Variants in NEB observed in about 807,000 individuals in gnomAD.
The protein encoded by NEB is nemaline myopathy type 2.
In NEB, 512 loss-of-function variants were observed where a neutral mutation model predicts 952.2. That is an observed-to-expected ratio of 0.54 (90% CI 0.50 to 0.58). The LOEUF (loss-of-function observed/expected upper bound fraction) is 0.58, where lower values mean the gene tolerates loss of function less well. NEB is among the 20% of genes least tolerant of loss of function. The pLI is 0.00. For synonymous variants in NEB, 2,900 were observed against 3,149.8 expected, an observed-to-expected ratio of 0.92 and a Z score of 2.66; for missense variants, 8,428 against 9,231.1, an observed-to-expected ratio of 0.91 and a Z score of 3.56.
chr2:151,531,308 C>CTT lies in NEB; in HGVS notation c.21523-209_21523-208dup, dbSNP rs1159075000. On this transcript the variant is annotated intron_variant, in intron 144 of 181. Coordinates refer to ENST00000397345, the MANE Select transcript of NEB (RefSeq NM_001164508.2). ...TCACAACAACTCTCTTTTTTTCTTT[C>CTT]TTTTTTTTTTTTTTTTTTTTTTTTT... 8.2e-4 allele frequency among the ~76,000 whole-genome samples: 69 copies of CTT among 84,028 alleles called. 3 individuals carry two copies. The highest frequency in any genetic ancestry group is 1.7e-3 in the African/African-American group (38 of 22,252). 55.1% of individuals were successfully genotyped at this position (84,028 alleles called of 152,430 possible).
At chr2:151,489,900 A>T in intron 181 of NEB, 71 bp downstream of exon 181, 1 of 1,213,246 alleles carries the variant, frequency 8.2e-7, no homozygotes, top group East Asian at 2.3e-5. Flanking sequence ...GTAATACCTA[A>T]TACTTATAAT....
At chr2:151,664,068 A>C (rs1248436917) in intron 44 of NEB, among the ~76,000 whole-genome samples, 1 of 151,940 alleles carries the variant, frequency 6.6e-6, no homozygotes, top group Non-Finnish European at 1.5e-5. Context: ...AAATAATCTC[A>C]GAGTTAATCG....
chr2:151,528,701 C>T (rs1234385578), intron 146 of NEB, among the ~76,000 whole-genome samples: 3 of 152,134 alleles, frequency 2.0e-5, no homozygotes, highest in African/African-American at 4.8e-5. Flanking sequence ...CATCTAAATG[C>T]ACAAAATTAT....
intron 169 of NEB, among the ~76,000 whole-genome samples, chr2:151,498,915 C>A (rs2062314569): frequency 6.6e-6 from 1 of 150,386 alleles, no homozygotes; most frequent in South Asian, 2.1e-4. Flanking sequence ...TTCAAAATAT[C>A]TGTACAAATA....
Position 151,619,467 on chromosome 2 carries a change from T to C in NEB, c.10856A>G (p.Tyr3619Cys), listed in dbSNP as rs1049205301. 4 of 1,607,124 alleles carry C rather than the reference T, an allele frequency of 2.5e-6. No individual in the cohort carries two copies. The highest frequency in any genetic ancestry group is 1.3e-5 in the African/African-American group (1 of 74,796). The change falls in exon 73 of 182, where the codon TAT becomes TGT. Residue 3619 changes from tyrosine to cysteine, a missense_variant. Coordinates refer to ENST00000397345, the MANE Select transcript of NEB (RefSeq NM_001164508.2). ...QNDIIHARKA[Y>C]DLQSDNLYKS... Reference sequence around the variant, plus strand: ...GAAACTTACGTCACTCTGGAGGTCATAGGCTTTCCGTGCATGAATGATGTC... The same window carrying C: ...GAAACTTACGTCACTCTGGAGGTCACAGGCTTTCCGTGCATGAATGATGTC...
chr2:151,497,027 A>G lies in NEB; in HGVS notation c.24307T>C (p.Tyr8103His). The G allele has an allele frequency of 1.3e-6, 2 of 1,568,970 alleles. No individual in the cohort carries two copies. Among genetic ancestry groups the G allele is most frequent in the Non-Finnish European group, 1.7e-6 (2 of 1,154,928 alleles). The change falls in exon 172 of 182, where the codon TAC becomes CAC. Residue 8103 changes from tyrosine to histidine, a missense_variant. This residue lies in a region of NEB where 3,374 missense variants were observed against 3,651.5 expected (regional missense o/e 0.92). Transcript: ENST00000397345. Reference protein sequence around the residue: ...HNQENISSVLYKENMGKGTPL... With the variant: ...HNQENISSVLHKENMGKGTPL... ...GTTCCCTTGCCCATGTTTTCTTTGT[A>G]TAACACCTGTGCGATAAGAAAGCAA...
At position 151,561,449 on chromosome 2, in the gene NEB, G is replaced by A. The variant is rs187468091; in HGVS notation, c.18997-137C>T. 2.5e-3 allele frequency: 1,621 copies of A among 653,836 alleles called. 3 individuals carry two copies. The highest frequency in any genetic ancestry group is 3.6e-3 in the Non-Finnish European group (1,320 of 370,278). 40.5% of individuals were successfully genotyped at this position (653,836 alleles called of 1,614,324 possible). A position where few individuals can be genotyped will look rare whatever the true frequency, so the allele number is the denominator to read the frequency against. On this transcript the variant is annotated intron_variant, in intron 121 of 181. Coordinates refer to ENST00000397345, the MANE Select transcript of NEB (RefSeq NM_001164508.2). Reference sequence around the variant, plus strand: ...CTAACAAACAGGCTGTCATTCTAGAGTCCTGCAGACTTTGTATGGCTGCCA... The same window carrying A: ...CTAACAAACAGGCTGTCATTCTAGAATCCTGCAGACTTTGTATGGCTGCCA...
At chr2:151,493,507 A>T in intron 175 of NEB, 62 bp from the exon 176 acceptor site, 1 of 1,103,786 alleles carries the variant, frequency 9.1e-7, no homozygotes, top group Non-Finnish European at 1.3e-6. Flanking sequence ...GAAAATCATC[A>T]CTTAGCTGGT....
intron 143 of NEB, 51 bp from the exon 144 acceptor site, chr2:151,531,947 T>C: frequency 8.6e-7 from 1 of 1,164,362 alleles, no homozygotes; most frequent in Non-Finnish European, 1.3e-6. Context: ...GAGTGGGCTT[T>C]AAGGTATCTA....
At chr2:151,560,797 T>TC (rs3214502) in intron 123 of NEB, 98 bp from the exon 124 acceptor site, 263,850 of 875,422 alleles carry the variant, frequency 0.3, 44,218 homozygotes, top group Non-Finnish European at 0.34. Context: ...TCTCACACAC[T>TC]CCCTACTAAC....
chr2:151,511,452 G>GATC (rs1181874678), intron 161 of NEB, among the ~76,000 whole-genome samples: 2 of 152,152 alleles, frequency 1.3e-5, no homozygotes, highest in African/African-American at 4.8e-5. Flanking sequence ...GTCATTAAGA[G>GATC]ATCATCTGTG....
At chr2:151,687,327 A>G (rs910603889) in intron 27 of NEB, 92 bp downstream of exon 27, 67 of 1,067,226 alleles carry the variant, frequency 6.3e-5, no homozygotes, top group Non-Finnish European at 9.1e-5. Context: ...GAAAGAGCCC[A>G]TGCTCATGAA....
At chr2:151,730,598 C>G (rs1013446754) in intron 3 of NEB, among the ~76,000 whole-genome samples, 1 of 130,656 alleles carries the variant, frequency 7.7e-6, no homozygotes, top group African/African-American at 3.0e-5. Flanking sequence ...AGATGAAACA[C>G]TTGGCTCATT....
At chr2:151,510,479 C>A (rs1027012795) in intron 161 of NEB, among the ~76,000 whole-genome samples, 2 of 152,222 alleles carry the variant, frequency 1.3e-5, no homozygotes, top group Admixed American at 1.3e-4. Flanking sequence ...ATTAAGTATT[C>A]AGTACAGTAG....
intron 46 of NEB, among the ~76,000 whole-genome samples, chr2:151,660,879 C>T (rs2099139130): frequency 6.6e-6 from 1 of 152,140 alleles, no homozygotes; most frequent in Non-Finnish European, 1.5e-5. Context: ...TAGAACCTAG[C>T]CACATAGGCC....
chr2:151,606,071 C>T, intron 84 of NEB, among the ~76,000 whole-genome samples: 1 of 86,216 alleles, frequency 1.2e-5, no homozygotes, highest in Non-Finnish European at 3.0e-5. Flanking sequence ...CCGCCCACCT[C>T]AGCCTCCCAA....
intron 179 of NEB, 146 bp from the exon 180 acceptor site, chr2:151,490,664 CTGATGTAGGT>C: frequency 1.0e-6 from 1 of 994,150 alleles, no homozygotes; most frequent in Non-Finnish European, 1.5e-6. Context: ...CACAGTTATT[CTGATGTAGGT>C]TTGTCTTTCT....
intron 77 of NEB, 123 bp from the exon 78 acceptor site, chr2:151,612,512 A>T (rs2098021819): frequency 5.1e-6 from 5 of 984,312 alleles, no homozygotes; most frequent in East Asian, 2.6e-5. Flanking sequence ...TTCTGGGAAG[A>T]CCCACAGGAT....
Position 151,690,731 on chromosome 2 carries a change from C to G in NEB, c.2306G>C (p.Ser769Thr). The change falls in exon 24 of 182, where the codon AGT becomes ACT. Residue 769 changes from serine to threonine, a missense_variant. This residue lies in a region of NEB where 2,851 missense variants were observed against 2,791.5 expected (regional missense o/e 1.02). Coordinates refer to ENST00000397345, the MANE Select transcript of NEB (RefSeq NM_001164508.2). ...TGCATAAATCAAAGCACTTACATCA[C>G]TAAGCTGTTTCGTGTTGAGCTGGGC... Reference protein sequence around the residue: ...LQAQLNTKQLSDLNYKAKHEG... With the variant: ...LQAQLNTKQLTDLNYKAKHEG... 2 of 1,585,174 alleles carry G rather than the reference C, an allele frequency of 1.3e-6. No homozygotes were observed. Among genetic ancestry groups the G allele is most frequent in the South Asian group, 1.2e-5 (1 of 86,424 alleles).
Sources: gnomAD v4.1 joint callset for allele counts (sites outside exome capture counted in the v4.1 genomes callset) on GRCh38, gnomAD v4.1.1 for gene constraint, gnomAD v4.1.1 regional missense constraint, MANE v1.5 for transcripts, NCBI Gene and HGNC (gene_info 2026-07-23, HGNC 2026-07-21) for gene names.